The following PRKCB variants were observed in gnomAD, a reference collection of about 807,000 sequenced individuals.
The protein encoded by PRKCB is protein kinase C beta, also known as protein kinase C beta type.
PRKCB carries 13 observed loss-of-function variants against 81.5 expected under a neutral mutation model. The ratio of observed to expected loss-of-function variants is 0.16; its 90% CI spans 0.10 to 0.25. PRKCB has a LOEUF of 0.25. Ranked by LOEUF, PRKCB falls within the 10% of genes least tolerant of loss-of-function variation. The pLI is 1.00. For missense variants in PRKCB, 509 were observed against 875.7 expected, an observed-to-expected ratio of 0.58 and a Z score of 5.29; for synonymous variants, 335 against 321.4, an observed-to-expected ratio of 1.04 and a Z score of -0.45.
rs760751335 is a variant in PRKCB, at chr16:24,113,074, G to A, written c.918+5G>A. ...GAACTGCGGCAGAAATTTGAGGTGA[G>A]GTTTCTTTTCTTTTTCTCTTCTTTC... On this transcript the variant is annotated splice_donor_5th_base_variant and intron_variant, in intron 8 of 16. Coordinates refer to ENST00000643927, the MANE Select transcript of PRKCB (RefSeq NM_002738.7). 2 of 1,604,270 alleles carry A rather than the reference G, an allele frequency of 1.2e-6. No individual in the cohort carries two copies. The highest frequency in any genetic ancestry group is 1.7e-6 in the Non-Finnish European group (2 of 1,175,050).
At chr16:24,113,110 T>C (rs1451301399) in intron 8 of PRKCB, 41 bp downstream of exon 8, 2 of 1,520,356 alleles carry the variant, frequency 1.3e-6, no homozygotes, top group East Asian at 2.3e-5. Context: ...TTTTTTCTCT[T>C]TCTTTTTTCC....
chr16:23,852,610 A>G (rs1338033327), intron 2 of PRKCB, among the ~76,000 whole-genome samples: 2 of 152,212 alleles, frequency 1.3e-5, no homozygotes, highest in East Asian at 3.9e-4. Flanking sequence ...CTTTGGTATG[A>G]TAGTCTTGGA....
chr16:24,078,584 G>T (rs1188784859), intron 5 of PRKCB, among the ~76,000 whole-genome samples: 3 of 152,176 alleles, frequency 2.0e-5, no homozygotes, highest in Non-Finnish European at 4.4e-5. Context: ...TCTTCCATCT[G>T]CATCAAGCCC....
At chr16:24,117,897 C>T (rs1480934425) in intron 8 of PRKCB, among the ~76,000 whole-genome samples, 2 of 152,232 alleles carry the variant, frequency 1.3e-5, no homozygotes, top group African/African-American at 4.8e-5. Context: ...GTCGGCTCCC[C>T]TTCCGTTGCA....
intron 5 of PRKCB, among the ~76,000 whole-genome samples, chr16:24,053,602 G>A: frequency 6.6e-6 from 1 of 152,196 alleles, no homozygotes; most frequent in East Asian, 1.9e-4. Context: ...GGAGGCAGGA[G>A]GGGACTGGAC....
At chr16:24,191,255 G>A (rs1355601742) in intron 16 of PRKCB, 25 bp downstream of exon 16, 1 of 1,612,936 alleles carries the variant, frequency 6.2e-7, no homozygotes, top group Non-Finnish European at 8.5e-7. Context: ...CTCTCTGACT[G>A]CCGGGTATTC....
rs143819124 is a variant in PRKCB, at chr16:23,968,812, G to A, written c.206-19696G>A. Among the ~76,000 whole-genome samples the A allele has an allele frequency of 1.8e-3, 271 of 152,288 alleles. 2 individuals are homozygous for A. The highest frequency in any genetic ancestry group is 6.1e-3 in the African/African-American group (253 of 41,560). ...GTTATTGGGTGGCTCATGTACTCTC[G>A]AAGGGAAGGGCCTGGTCAATATTAA... On this transcript the variant is annotated intron_variant, in intron 2 of 16. Transcript: ENST00000643927.
chr16:24,159,338 G>T (rs970962552), intron 10 of PRKCB, among the ~76,000 whole-genome samples: 1 of 152,178 alleles, frequency 6.6e-6, no homozygotes, highest in Non-Finnish European at 1.5e-5. Context: ...TGAGCTCAGA[G>T]CCCAAGCTTT....
intron 2 of PRKCB, among the ~76,000 whole-genome samples, chr16:23,931,521 G>T (rs1963975472): frequency 6.6e-6 from 1 of 152,142 alleles, no homozygotes; most frequent in African/African-American, 2.4e-5. Context: ...TCATCAGGTT[G>T]GGGTGAGGGT....
At chr16:23,983,521 A>G (rs900413332) in intron 2 of PRKCB, among the ~76,000 whole-genome samples, 1 of 152,174 alleles carries the variant, frequency 6.6e-6, no homozygotes, top group African/African-American at 2.4e-5. Flanking sequence ...CAGGAGCTAC[A>G]TCTACCATGA....
In PRKCB at chr16:24,054,112, G is replaced by A. The variant is rs1965876375; in HGVS notation, c.529+18565G>A. ...CTCAGCCTCCTGAGTAGCTGGGACT[G>A]CAGGCACACACCACCATGCCCAGCC... On this transcript the variant is annotated intron_variant, in intron 5 of 16. Coordinates refer to ENST00000643927, the MANE Select transcript of PRKCB (RefSeq NM_002738.7). Among the ~76,000 whole-genome samples the A allele has an allele frequency of 2.6e-5, 4 of 151,710 alleles. No homozygotes were observed. The South Asian group carries it at 8.3e-4, about 32-fold the overall frequency.
At chr16:24,032,089 C>T (rs1322474743) in intron 3 of PRKCB, 47 bp from the exon 4 acceptor site, 2 of 1,357,842 alleles carry the variant, frequency 1.5e-6, no homozygotes, top group Non-Finnish European at 2.1e-6. Context: ...GAACCGTTGG[C>T]ATGCTCCACT....
At chr16:23,990,003 G>T (rs1027283259) in intron 3 of PRKCB, among the ~76,000 whole-genome samples, 2 of 152,082 alleles carry the variant, frequency 1.3e-5, no homozygotes, top group Non-Finnish European at 1.5e-5. Context: ...TATAATGCTT[G>T]GAGTTGTGGC....
At chr16:24,007,459 A>T (rs2141834950) in intron 3 of PRKCB, among the ~76,000 whole-genome samples, 1 of 152,344 alleles carries the variant, frequency 6.6e-6, no homozygotes, top group East Asian at 1.9e-4. Flanking sequence ...TTGATTGTCA[A>T]GTGAATTCTG....
intron 8 of PRKCB, among the ~76,000 whole-genome samples, chr16:24,115,337 CATTTATCCAAAGAGT>C (rs1284638263): frequency 6.9e-6 from 1 of 144,884 alleles, no homozygotes; most frequent in Non-Finnish European, 1.6e-5. Flanking sequence ...ATGATTTTAG[CATTTATCCAAAGAGT>C]ATTTATCCCA....
intron 5 of PRKCB, among the ~76,000 whole-genome samples, chr16:24,082,275 T>G (rs565815242): frequency 6.6e-6 from 1 of 152,196 alleles, no homozygotes; most frequent in Non-Finnish European, 1.5e-5. Flanking sequence ...AGAGTGAAGA[T>G]AGCAAGTCTT....
At chr16:23,943,957 T>A (rs887352051) in intron 2 of PRKCB, among the ~76,000 whole-genome samples, 2 of 152,212 alleles carry the variant, frequency 1.3e-5, no homozygotes, top group Non-Finnish European at 2.9e-5. Context: ...TGGCATTTTG[T>A]AGAGAGGTAA....
At chr16:23,951,144 C>T (rs1053318636) in intron 2 of PRKCB, among the ~76,000 whole-genome samples, 5 of 152,222 alleles carry the variant, frequency 3.3e-5, no homozygotes, top group African/African-American at 1.2e-4. Flanking sequence ...CTGTCATGTG[C>T]AAAGCACGTG....
At chr16:24,070,869 T>G (rs1294129550) in intron 5 of PRKCB, among the ~76,000 whole-genome samples, 1 of 152,194 alleles carries the variant, frequency 6.6e-6, no homozygotes, top group Non-Finnish European at 1.5e-5. Context: ...GTAAAGCAAG[T>G]ACATATCTCT....
Sources: gnomAD v4.1 joint callset for allele counts (sites outside exome capture counted in the v4.1 genomes callset) on GRCh38, gnomAD v4.1.1 for gene constraint, MANE v1.5 for transcripts, NCBI Gene and HGNC (gene_info 2026-07-23, HGNC 2026-07-21) for gene names.